Variants in CNTN5 observed in about 807,000 individuals in gnomAD.
CNTN5 encodes the protein contactin 5, also known as contactin-5.
CNTN5 carries 77 observed loss-of-function variants against 129.1 expected under a neutral mutation model. The observed-to-expected ratio is 0.60, with a 90% CI of 0.50 to 0.72. The LOEUF (loss-of-function observed/expected upper bound fraction) is 0.72, where lower values mean the gene tolerates loss of function less well. CNTN5 is among the 30% of genes least tolerant of loss of function. CNTN5 has a pLI of 0.00. For synonymous variants in CNTN5, 509 were observed against 465.6 expected (o/e 1.09, Z -1.20); for missense variants, 1,478 against 1,328.8 (o/e 1.11, Z -1.75).
chr11:100,259,270 A>G (rs1950145845), intron 17 of CNTN5, among the ~76,000 whole-genome samples: 1 of 152,200 alleles, frequency 6.6e-6, no homozygotes, highest in African/African-American at 2.4e-5. Flanking sequence ...TATGCACCCA[A>G]TACAGGAGCA....
intron 2 of CNTN5, among the ~76,000 whole-genome samples, chr11:99,519,195 T>G (rs78674614): frequency 0.013 from 1,913 of 152,142 alleles, 17 homozygotes; most frequent in South Asian, 0.024. Flanking sequence ...TGGAATTCCC[T>G]TTTATTGCTT....
intron 13 of CNTN5, among the ~76,000 whole-genome samples, chr11:100,161,435 C>T (rs952667348): frequency 6.6e-6 from 1 of 151,846 alleles, no homozygotes; most frequent in Non-Finnish European, 1.5e-5. Context: ...GGTTATATAT[C>T]ATAGTTCATT....
At position 99,956,862 on chromosome 11, in the gene CNTN5, C is replaced by A. The variant is rs190220140; in HGVS notation, c.730C>A (p.Arg244=). The A allele has an allele frequency of 7.4e-6, 12 of 1,613,810 alleles. No homozygotes were observed. The South Asian group carries it at 1.3e-4, about 18-fold the overall frequency. ...CCCTTCCTTTGTGGCGGAAGACAGCCGGCGGTTCATCTCCCAGGAGACAGG... is the reference window on the plus strand; with the variant it reads ...CCCTTCCTTTGTGGCGGAAGACAGCAGGCGGTTCATCTCCCAGGAGACAGG... ...EFPSFVAEDS[R]RFISQETGNL... is the part of the protein sequence containing the mutation. The change falls in exon 8 of 25, where the codon CGG becomes AGG. Residue 244 remains arginine (R), a synonymous_variant. Transcript: ENST00000524871.
chr11:99,752,444 C>G (rs770330188), intron 3 of CNTN5, among the ~76,000 whole-genome samples: 1 of 151,338 alleles, frequency 6.6e-6, no homozygotes. Flanking sequence ...GATTAACAGA[C>G]AATCCAGTGT....
chr11:100,077,870 T>C (rs1332037132), intron 13 of CNTN5, among the ~76,000 whole-genome samples: 1 of 151,556 alleles, frequency 6.6e-6, no homozygotes, highest in African/African-American at 2.4e-5. Context: ...AAAAGAAATA[T>C]TTAAAAAAAC....
chr11:99,613,211 G>C (rs184844339), intron 3 of CNTN5, among the ~76,000 whole-genome samples: 4 of 152,320 alleles, frequency 2.6e-5, no homozygotes, highest in Admixed American at 2.0e-4. Context: ...TGTCAAGAAA[G>C]AGACCAGGTG....
chr11:99,399,660 A>C (rs1204710285), intron 2 of CNTN5, among the ~76,000 whole-genome samples: 1 of 151,772 alleles, frequency 6.6e-6, no homozygotes, highest in Non-Finnish European at 1.5e-5. Flanking sequence ...TTTTCTCTTA[A>C]AATAACTTTA....
chr11:99,120,826 T>A (rs1264095819), intron 1 of CNTN5, among the ~76,000 whole-genome samples: 3 of 152,196 alleles, frequency 2.0e-5, no homozygotes. Flanking sequence ...TTCTAAATCT[T>A]GAATTTTCTC....
intron 2 of CNTN5, among the ~76,000 whole-genome samples, chr11:99,464,293 G>C (rs980359097): frequency 6.6e-6 from 1 of 152,096 alleles, no homozygotes; most frequent in Admixed American, 6.5e-5. Context: ...CAGGGGAATT[G>C]GGGATAAATG....
Position 99,572,768 on chromosome 11 carries a change from T to TAA in CNTN5, c.55+16504_55+16505dup, listed in dbSNP as rs11376326. 6.8e-3 allele frequency among the ~76,000 whole-genome samples: 1,038 copies of TAA among 151,910 alleles called. 24 individuals carry two copies. The East Asian group carries it at 0.097, about 14-fold the overall frequency. On this transcript the variant is annotated intron_variant, in intron 3 of 24. Transcript: ENST00000524871. ...ATTTTTAATAATTGAGGGTTTTTTTTAAAAAATAGATTATCAAATGAGAAA... is the reference window on the plus strand; with the variant it reads ...ATTTTTAATAATTGAGGGTTTTTTTTAAAAAAAATAGATTATCAAATGAGAAA...
chr11:99,394,384 T>C (rs1941414170), intron 2 of CNTN5, among the ~76,000 whole-genome samples: 1 of 151,572 alleles, frequency 6.6e-6, no homozygotes. Context: ...CAAACTCACA[T>C]TAAAATTTTC....
chr11:99,064,872 G>A (rs2135226256), intron 1 of CNTN5, among the ~76,000 whole-genome samples: 1 of 151,874 alleles, frequency 6.6e-6, no homozygotes, highest in South Asian at 2.1e-4. Flanking sequence ...TTACAATTTT[G>A]GGAAGTCTCA....
chr11:100,296,091 G>A (rs980528197), intron 18 of CNTN5, among the ~76,000 whole-genome samples: 72 of 151,530 alleles, frequency 4.8e-4, no homozygotes, highest in African/African-American at 1.4e-3. Flanking sequence ...TGAAAATTTG[G>A]ATCCCTGTCC....
chr11:100,040,769 C>T (rs1305793428), intron 9 of CNTN5, among the ~76,000 whole-genome samples: 2 of 152,212 alleles, frequency 1.3e-5, no homozygotes, highest in African/African-American at 4.8e-5. Flanking sequence ...GTAGGACCCT[C>T]CTAGCCAAGT....
At chr11:100,001,651 T>C (rs1939883235) in intron 8 of CNTN5, among the ~76,000 whole-genome samples, 1 of 152,230 alleles carries the variant, frequency 6.6e-6, no homozygotes, top group Non-Finnish European at 1.5e-5. Context: ...ATTATAGATA[T>C]TCAATAAATA....
At chr11:99,051,315 G>T (rs1252303207) in intron 1 of CNTN5, among the ~76,000 whole-genome samples, 1 of 151,884 alleles carries the variant, frequency 6.6e-6, no homozygotes, top group South Asian at 2.1e-4. Context: ...CAAAGGAAAA[G>T]AAGCAAATAA....
chr11:99,478,154 G>A (rs375491339), intron 2 of CNTN5, among the ~76,000 whole-genome samples: 19 of 152,236 alleles, frequency 1.2e-4, no homozygotes, highest in African/African-American at 4.3e-4. Flanking sequence ...TATGTGGGTA[G>A]AGTCTGGGCA....
chr11:99,102,808 G>A (rs1424577322), intron 1 of CNTN5, among the ~76,000 whole-genome samples: 1 of 152,090 alleles, frequency 6.6e-6, no homozygotes, highest in African/African-American at 2.4e-5. Context: ...CTGTTACCCA[G>A]TTCCAAAGTT....
intron 13 of CNTN5, among the ~76,000 whole-genome samples, chr11:100,130,016 A>C (rs1323805111): frequency 6.6e-6 from 1 of 152,152 alleles, no homozygotes; most frequent in Non-Finnish European, 1.5e-5. Flanking sequence ...ATGGAAAATA[A>C]ATTCTAATTT....
Sources: allele counts gnomAD v4.1 joint callset (sites outside exome capture counted in the v4.1 genomes callset), GRCh38; gene constraint gnomAD v4.1.1; transcripts MANE v1.5; gene names NCBI Gene and HGNC (gene_info 2026-07-23, HGNC 2026-07-21).